Variants in LIFR observed in about 807,000 individuals in gnomAD.
LIFR encodes the protein leukemia inhibitory factor receptor.
LIFR carries 84 observed loss-of-function variants against 122.2 expected under a neutral mutation model. The observed-to-expected ratio is 0.69, with a 90% CI of 0.58 to 0.82. The LOEUF is 0.82. LIFR is among the 40% of genes least tolerant of loss of function. LIFR has a pLI of 0.00. For synonymous variants in LIFR, 422 were observed against 434.7 expected, an observed-to-expected ratio of 0.97 and a Z score of 0.36; for missense variants, 1,294 against 1,311.6, an observed-to-expected ratio of 0.99 and a Z score of 0.21.
chr5:38,505,781 AAATT>A (rs1326971128), intron 9 of LIFR, 120 bp downstream of exon 9: 9 of 399,426 alleles, frequency 2.3e-5, no homozygotes, highest in African/African-American at 1.5e-4. Flanking sequence ...AAAATTTATG[AAATT>A]AATATTAAGT....
chr5:38,504,422 A>AAAAAAT, intron 9 of LIFR, among the ~76,000 whole-genome samples: 1 of 151,462 alleles, frequency 6.6e-6, no homozygotes, highest in Non-Finnish European at 1.5e-5. Flanking sequence ...GACCAAAAAA[A>AAAAAAT]AAAAAGAAAA....
intron 1 of LIFR, among the ~76,000 whole-genome samples, chr5:38,583,437 C>G (rs1749650461): frequency 6.6e-6 from 1 of 151,856 alleles, no homozygotes; most frequent in African/African-American, 2.4e-5. Flanking sequence ...GCTAAAAAAG[C>G]AAAAATAAAT....
At chr5:38,483,651 G>A (rs866376185) in intron 18 of LIFR, among the ~76,000 whole-genome samples, 5 of 152,084 alleles carry the variant, frequency 3.3e-5, no homozygotes, top group South Asian at 2.1e-4. Flanking sequence ...GGATGGTCTC[G>A]ATCTCCTGAC....
chr5:38,556,646 TGCGGCGCGCGGGG>T (rs1246521987), upstream of LIFR: 1 of 146,452 alleles, frequency 6.8e-6, no homozygotes, highest in African/African-American at 2.5e-5. Flanking sequence ...CAGCCGGGAC[TGCGGCGCGCGGGG>T]GCGGCGCCTG....
chr5:38,581,116 C>T (rs1749566894), intron 1 of LIFR, among the ~76,000 whole-genome samples: 2 of 152,108 alleles, frequency 1.3e-5, no homozygotes, highest in South Asian at 4.1e-4. Context: ...ATGCCTCACA[C>T]ATGGTATGTG....
At position 38,490,176 on chromosome 5, in the gene LIFR, C is replaced by G. The variant is rs770304013; in HGVS notation, c.2167+14G>C. On this transcript the variant is annotated intron_variant, in intron 15 of 19. Transcript: ENST00000453190. The stretch of plus-strand genomic sequence containing the variant: ...TGCCTTGAGCTCTTATAAATAAGTA[C>G]CCATTTAACTTACCCAATTCTTCTA... The G allele has an allele frequency of 8.8e-7, 1 of 1,136,720 alleles. No individual in the cohort carries two copies. Among genetic ancestry groups the G allele is most frequent in the Non-Finnish European group, 1.3e-6 (1 of 758,474 alleles). The allele number at this position is 1,136,720 out of a possible 1,614,324, so 70.4% of individuals were successfully genotyped here. A position where few individuals can be genotyped will look rare whatever the true frequency, so the allele number is the denominator to read the frequency against.
In LIFR at chr5:38,484,810, C is replaced by A; in HGVS notation, c.2556G>T (p.Val852=). Residue 852 remains valine (V), a synonymous_variant, in exon 18 of 20, where the codon GTG becomes GTT. Coordinates refer to ENST00000453190, the MANE Select transcript of LIFR (RefSeq NM_001127671.2). ...IPVAVAVIVG[V]VTSILCYRKR... ...TCCGATAGCAAAGGATACTTGTCAC[C>A]ACTCCAACAATGACAGCCACTGCCA... 3 of 1,613,582 alleles carry A rather than the reference C, an allele frequency of 1.9e-6. No homozygotes were observed. Among genetic ancestry groups the A allele is most frequent in the Non-Finnish European group, 2.5e-6 (3 of 1,179,600 alleles).
chr5:38,553,991 T>A (rs970493151), intron 1 of LIFR, among the ~76,000 whole-genome samples: 2 of 152,092 alleles, frequency 1.3e-5, no homozygotes, highest in African/African-American at 4.8e-5. Context: ...CATTAAAATA[T>A]AAGATACTGG....
chr5:38,545,734 C>T (rs1432029217), intron 1 of LIFR, among the ~76,000 whole-genome samples: 3 of 151,376 alleles, frequency 2.0e-5, no homozygotes, highest in East Asian at 1.9e-4. Flanking sequence ...TGGTGGCGGG[C>T]GCCTGTAGTC....
chr5:38,481,676 A>G lies in LIFR; in HGVS notation c.3213T>C (p.Pro1071=), dbSNP rs1370125922. ...ATTTAGGAGAGTCTTCATCTTTAGG[A>G]GGAATCAAAAATTGTCGGGAATTAA... ...CSINSRQFLI[P]PKDEDSPKSN... The change falls in exon 20 of 20, where the codon CCT becomes CCC. Residue 1071 remains proline, a synonymous_variant. Transcript: ENST00000453190. 1 of 1,614,158 alleles carries G rather than the reference A, an allele frequency of 6.2e-7. No individual in the cohort carries two copies. Among genetic ancestry groups the G allele is most frequent in the Admixed American group, 1.7e-5 (1 of 60,024 alleles).
At chr5:38,576,557 C>A (rs533933686) in intron 1 of LIFR, among the ~76,000 whole-genome samples, 1 of 152,130 alleles carries the variant, frequency 6.6e-6, no homozygotes, top group East Asian at 1.9e-4. Context: ...GACTATAATG[C>A]GAGCCAGCGC....
intron 5 of LIFR, among the ~76,000 whole-genome samples, chr5:38,512,201 A>G (rs1337492989): frequency 6.6e-6 from 1 of 152,200 alleles, no homozygotes; most frequent in Non-Finnish European, 1.5e-5. Context: ...CTATTCATTG[A>G]AACATTCAAT....
At chr5:38,568,348 G>A (rs1248516056) in intron 1 of LIFR, among the ~76,000 whole-genome samples, 2 of 152,168 alleles carry the variant, frequency 1.3e-5, no homozygotes, top group Admixed American at 1.3e-4. Context: ...AATGAGACAA[G>A]GGCCTATGGG....
At chr5:38,584,864 TCACA>T (rs779358199) in intron 1 of LIFR, among the ~76,000 whole-genome samples, 1 of 151,856 alleles carries the variant, frequency 6.6e-6, no homozygotes, top group Non-Finnish European at 1.5e-5. Flanking sequence ...GCAGCTTTTG[TCACA>T]CACACACACA....
At chr5:38,514,881 C>T (rs530626137) in intron 5 of LIFR, among the ~76,000 whole-genome samples, 47 of 152,176 alleles carry the variant, frequency 3.1e-4, no homozygotes, top group Middle Eastern at 6.8e-3. Context: ...GGAGGATGCC[C>T]GTAGGTTGTA....
chr5:38,488,755 T>C (rs1744419173), intron 16 of LIFR, among the ~76,000 whole-genome samples: 1 of 152,348 alleles, frequency 6.6e-6, no homozygotes, highest in African/African-American at 2.4e-5. Context: ...AAAAGATTTC[T>C]TTTTGGAAGT....
intron 1 of LIFR, among the ~76,000 whole-genome samples, chr5:38,551,425 G>A (rs1371169234): frequency 2.6e-5 from 4 of 152,112 alleles, no homozygotes; most frequent in South Asian, 2.1e-4. Context: ...ACATCTCACT[G>A]CCCCATTAGC....
intron 12 of LIFR, 149 bp downstream of exon 12, chr5:38,499,364 G>T: frequency 3.1e-6 from 2 of 645,094 alleles, no homozygotes; most frequent in Admixed American, 2.4e-5. Flanking sequence ...GAGGAATTTG[G>T]GGGGTTTAGG....
chr5:38,523,369 T>C, intron 5 of LIFR, 50 bp downstream of exon 5: 2 of 1,502,742 alleles, frequency 1.3e-6, no homozygotes, highest in Non-Finnish European at 1.8e-6. Context: ...TTAAAAAAAA[T>C]TATTCAGTTT....
Sources: gnomAD v4.1 joint callset for allele counts (sites outside exome capture counted in the v4.1 genomes callset) on GRCh38, gnomAD v4.1.1 for gene constraint, MANE v1.5 for transcripts, NCBI Gene and HGNC (gene_info 2026-07-23, HGNC 2026-07-21) for gene names.